Variants in DMXL2 observed in about 807,000 individuals in gnomAD.
DMXL2 encodes the protein Dmx like 2.
Under a neutral mutation model 331.1 loss-of-function variants are expected in DMXL2, and 103 were observed. The observed-to-expected ratio is 0.31, with a 90% CI of 0.27 to 0.37. The LOEUF (loss-of-function observed/expected upper bound fraction) is 0.37. DMXL2 is among the 10% of genes least tolerant of loss of function. The pLI, the probability that DMXL2 is intolerant of heterozygous loss-of-function variation, is 1.00. For missense variants in DMXL2, 3,171 were observed against 3,642.9 expected (o/e 0.87, Z 3.33); for synonymous variants, 1,281 against 1,252.1 (o/e 1.02, Z -0.49).
At position 51,591,010 on chromosome 15, in the gene DMXL2, G is replaced by A. The variant is rs563112808; in HGVS notation, c.88-14829C>T. Reference sequence around the variant, plus strand: ...GTCTACAGCTCCCAGAGTGAGCGACGCAGAAGATGGGTGATTTCTGCATTT... The same window carrying A: ...GTCTACAGCTCCCAGAGTGAGCGACACAGAAGATGGGTGATTTCTGCATTT... On this transcript the variant is annotated intron_variant, in intron 1 of 43. Coordinates refer to ENST00000560891, the MANE Select transcript of DMXL2 (RefSeq NM_001378457.1). 3.5e-4 allele frequency among the ~76,000 whole-genome samples: 53 copies of A among 152,300 alleles called. 1 individual carries two copies. The highest frequency in any genetic ancestry group is 6.8e-3 in the Middle Eastern group (2 of 294).
intron 1 of DMXL2, among the ~76,000 whole-genome samples, chr15:51,590,947 G>C (rs1023171765): frequency 3.3e-5 from 5 of 152,142 alleles, no homozygotes; most frequent in Non-Finnish European, 5.9e-5. Flanking sequence ...AGCAGACAAG[G>C]GGGGTGGAGC....
chr15:51,603,399 C>T (rs189140068), intron 1 of DMXL2, among the ~76,000 whole-genome samples: 260 of 152,006 alleles, frequency 1.7e-3, no homozygotes, highest in African/African-American at 6.1e-3. Context: ...AAAAACACAC[C>T]CAAGCTGAAA....
At chr15:51,562,085 T>C (rs1037385878) in intron 6 of DMXL2, among the ~76,000 whole-genome samples, 2 of 152,188 alleles carry the variant, frequency 1.3e-5, no homozygotes, top group African/African-American at 2.4e-5. Context: ...TTAACAATAA[T>C]ATATTGTACA....
chr15:51,531,716 T>G (rs572008906), intron 13 of DMXL2, among the ~76,000 whole-genome samples: 1 of 152,246 alleles, frequency 6.6e-6, no homozygotes, highest in African/African-American at 2.4e-5. Context: ...GCAAAACATT[T>G]GAACAGATAT....
intron 13 of DMXL2, among the ~76,000 whole-genome samples, chr15:51,524,684 C>G (rs1016110186): frequency 2.0e-5 from 3 of 152,148 alleles, no homozygotes; most frequent in African/African-American, 7.2e-5. Context: ...ACTCAGCTGA[C>G]GCTCACCCAT....
chr15:51,537,323 A>G (rs182990206), intron 11 of DMXL2, among the ~76,000 whole-genome samples, 165 bp downstream of exon 11: 31 of 152,340 alleles, frequency 2.0e-4, no homozygotes, highest in African/African-American at 6.0e-4. Flanking sequence ...AAGTTTGCTA[A>G]GCTTATGGTC....
chr15:51,450,072 T>C, intron 43 of DMXL2, 57 bp downstream of exon 43: 1 of 1,480,502 alleles, frequency 6.8e-7, no homozygotes, highest in Non-Finnish European at 9.3e-7. Flanking sequence ...GTGGAGTTTT[T>C]GTTTTTTCTC....
chr15:51,558,283 A>G (rs1357845552), intron 6 of DMXL2, among the ~76,000 whole-genome samples: 1 of 152,196 alleles, frequency 6.6e-6, no homozygotes, highest in Non-Finnish European at 1.5e-5. Flanking sequence ...CCAATCCAGT[A>G]TATTTCGTGT....
intron 37 of DMXL2, 83 bp from the exon 38 acceptor site, chr15:51,456,452 T>G (rs553944220): frequency 1.2e-6 from 1 of 851,348 alleles, no homozygotes; most frequent in Non-Finnish European, 1.8e-6. Context: ...ATTCTGACAT[T>G]TATTCTCTTA....
chr15:51,557,098 C>T (rs2049644354), intron 6 of DMXL2, among the ~76,000 whole-genome samples: 1 of 151,410 alleles, frequency 6.6e-6, no homozygotes, highest in African/African-American at 2.4e-5. Flanking sequence ...AAAAGATGAA[C>T]TACAGCTTTC....
intron 14 of DMXL2, among the ~76,000 whole-genome samples, chr15:51,515,849 T>C (rs574178259): frequency 6.6e-6 from 1 of 152,172 alleles, no homozygotes; most frequent in South Asian, 2.1e-4. Context: ...AATTAAGTTA[T>C]CTATAGGAAG....
intron 23 of DMXL2, 125 bp from the exon 24 acceptor site, chr15:51,481,748 ACACT>A: frequency 2.3e-6 from 2 of 863,572 alleles, no homozygotes; most frequent in Non-Finnish European, 3.4e-6. Flanking sequence ...ACGATAGGTT[ACACT>A]ATGGCATATA....
At chr15:51,600,428 T>C (rs79332951) in intron 1 of DMXL2, among the ~76,000 whole-genome samples, 87 of 152,284 alleles carry the variant, frequency 5.7e-4, no homozygotes, top group African/African-American at 1.9e-3. Context: ...CATAGGAAAC[T>C]TGCTTGGTTA....
rs148694560 is a variant in DMXL2, at chr15:51,536,749, C to T, written c.1731G>A (p.Thr577=). 8.3e-5 allele frequency: 134 copies of T among 1,613,958 alleles called. No individual in the cohort carries two copies. The highest frequency in any genetic ancestry group is 7.1e-4 in the African/African-American group (53 of 74,994). ...CINATKDSHH[T]LLHQEGMSVG... is the part of the protein sequence containing the mutation. ...CAGACATCCCCTCCTGGTGTAACAGCGTGTGGTGAGAATCTTTTGTCGCAT... is the reference window on the plus strand; with the variant it reads ...CAGACATCCCCTCCTGGTGTAACAGTGTGTGGTGAGAATCTTTTGTCGCAT... Residue 577 remains threonine, a synonymous_variant, in exon 12 of 44, where the codon ACG becomes ACA. Coordinates refer to ENST00000560891, the MANE Select transcript of DMXL2 (RefSeq NM_001378457.1).
chr15:51,543,707 G>A (rs116408704), intron 8 of DMXL2, among the ~76,000 whole-genome samples: 89 of 152,152 alleles, frequency 5.8e-4, no homozygotes, highest in African/African-American at 2.0e-3. Context: ...CAAGTGGCTC[G>A]TAAGTCAGAC....
At chr15:51,577,352 G>A (rs1046198252) in intron 1 of DMXL2, among the ~76,000 whole-genome samples, 1 of 152,046 alleles carries the variant, frequency 6.6e-6, no homozygotes, top group African/African-American at 2.4e-5. Flanking sequence ...AGACCAGACA[G>A]GAAGACATTA....
rs760303033 is a variant in DMXL2 at position 51,456,163 on chromosome 15, C to A, written c.8429G>T (p.Arg2810Leu). 6.2e-7 allele frequency: 1 copy of A among 1,614,134 alleles called. No individual in the cohort carries two copies. Among genetic ancestry groups the A allele is most frequent in the South Asian group, 1.1e-5 (1 of 91,082 alleles). ...CTGAGGCCGCGTCCATTCAAACATTCGTACACTGCCGTCCTGAGCACCTGT... is the reference window on the plus strand; with the variant it reads ...CTGAGGCCGCGTCCATTCAAACATTAGTACACTGCCGTCCTGAGCACCTGT... ...YLTGAQDGSV[R>L]MFEWTRPQQL... The change falls in exon 39 of 44, where the codon CGA becomes CTA. Residue 2810 changes from arginine (R) to leucine (L), a missense_variant. Coordinates refer to ENST00000560891, the MANE Select transcript of DMXL2 (RefSeq NM_001378457.1).
intron 19 of DMXL2, among the ~76,000 whole-genome samples, chr15:51,494,527 CT>C (rs2043033985): frequency 6.6e-6 from 1 of 152,084 alleles, no homozygotes; most frequent in Non-Finnish European, 1.5e-5. Flanking sequence ...GATATAAATC[CT>C]TATGTCTCAA....
intron 41 of DMXL2, among the ~76,000 whole-genome samples, chr15:51,452,919 A>T (rs2039277456): frequency 6.6e-6 from 1 of 152,226 alleles, no homozygotes; most frequent in Admixed American, 6.5e-5. Flanking sequence ...AAAAGGAATG[A>T]GATAATCACA....
Sources: gnomAD v4.1 joint callset for allele counts (sites outside exome capture counted in the v4.1 genomes callset) on GRCh38, gnomAD v4.1.1 for gene constraint, MANE v1.5 for transcripts, NCBI Gene and HGNC (gene_info 2026-07-23, HGNC 2026-07-21) for gene names.